Variants in TEX2 observed in about 807,000 individuals in gnomAD.
TEX2 encodes the protein testis expressed 2.
Under a neutral mutation model 106.9 loss-of-function variants are expected in TEX2, and 53 were observed. That is an observed-to-expected ratio of 0.50 (90% CI 0.40 to 0.62). TEX2 has a LOEUF of 0.62. Among genes scored for constraint, TEX2 ranks in the 20% least tolerant of loss-of-function variants. The probability of loss-of-function intolerance (pLI) is 0.00; values close to 1 mark genes in which losing one functional copy is unlikely to be tolerated. For missense variants in TEX2, 1,207 were observed against 1,379.0 expected (o/e 0.88, Z 1.98); for synonymous variants, 523 against 534.8 (o/e 0.98, Z 0.30).
intron 2 of TEX2, among the ~76,000 whole-genome samples, chr17:64,209,573 G>A (rs1311597317): frequency 6.6e-6 from 1 of 152,204 alleles, no homozygotes; most frequent in Non-Finnish European, 1.5e-5. Flanking sequence ...CAGTCTATGA[G>A]AGCATTAAAG....
chr17:64,211,634 G>A (rs1441594286), intron 2 of TEX2, among the ~76,000 whole-genome samples: 1 of 152,062 alleles, frequency 6.6e-6, no homozygotes, highest in Non-Finnish European at 1.5e-5. Flanking sequence ...ATGAGCATAG[G>A]TTATATATTA....
At position 64,212,766 on chromosome 17, in the gene TEX2, A is replaced by G. The variant is rs376446398; in HGVS notation, c.1452T>C (p.Tyr484=). 1.9e-6 allele frequency: 3 copies of G among 1,614,094 alleles called. No individual in the cohort carries two copies. The highest frequency in any genetic ancestry group is 2.5e-6 in the Non-Finnish European group (3 of 1,180,046). ...KTLGFFIMCV[Y]VYLILPLPHY... Reference sequence around the variant, plus strand: ...GGGGGAGGGGGAGGATGAGGTACACATAGACACACATTATAAAGAAGCCCA... The same window carrying G: ...GGGGGAGGGGGAGGATGAGGTACACGTAGACACACATTATAAAGAAGCCCA... The change falls in exon 2 of 12, where the codon TAT becomes TAC. Residue 484 remains tyrosine, a synonymous_variant. Coordinates refer to ENST00000584379, the MANE Select transcript of TEX2 (RefSeq NM_001288732.2).
chr17:64,254,303 T>C (rs2034145744), intron 1 of TEX2, among the ~76,000 whole-genome samples: 2 of 152,218 alleles, frequency 1.3e-5, no homozygotes, highest in African/African-American at 4.8e-5. Flanking sequence ...ACTCCTTTTC[T>C]CTAAAATGTA....
At chr17:64,175,967 G>A (rs977940306) in intron 6 of TEX2, among the ~76,000 whole-genome samples, 2 of 152,204 alleles carry the variant, frequency 1.3e-5, no homozygotes, top group Admixed American at 1.3e-4. Context: ...TTCCAAAAAT[G>A]GGGAGAGGCT....
chr17:64,158,758 C>T (rs185267592), intron 8 of TEX2, among the ~76,000 whole-genome samples: 1 of 152,260 alleles, frequency 6.6e-6, no homozygotes, highest in Admixed American at 6.5e-5. Context: ...ACCCAGTGCT[C>T]TCAGGTTCCC....
intron 2 of TEX2, among the ~76,000 whole-genome samples, chr17:64,200,642 G>A (rs1349799409): frequency 6.6e-6 from 1 of 152,246 alleles, no homozygotes; most frequent in Non-Finnish European, 1.5e-5. Flanking sequence ...TCAGAAGAAT[G>A]TGAAAGAGAG....
intron 1 of TEX2, among the ~76,000 whole-genome samples, chr17:64,262,132 G>A (rs1555638641): frequency 6.6e-6 from 1 of 152,230 alleles, no homozygotes; most frequent in East Asian, 1.9e-4. Flanking sequence ...CATGTGCAGA[G>A]CGGTGATGGT....
intron 2 of TEX2, among the ~76,000 whole-genome samples, chr17:64,202,482 A>T (rs2032703021): frequency 6.6e-6 from 1 of 152,180 alleles, no homozygotes; most frequent in South Asian, 2.1e-4. Context: ...TGATACCATT[A>T]ATCAGCCATT....
chr17:64,216,635 C>T (rs148736407), intron 1 of TEX2, among the ~76,000 whole-genome samples: 4 of 152,316 alleles, frequency 2.6e-5, no homozygotes, highest in Middle Eastern at 3.4e-3. Flanking sequence ...CCCAGCCTAG[C>T]GCCAAAGGGT....
intron 4 of TEX2, among the ~76,000 whole-genome samples, chr17:64,190,146 C>T (rs1376893721): frequency 2.0e-5 from 3 of 152,180 alleles, no homozygotes; most frequent in African/African-American, 4.8e-5. Flanking sequence ...TAATTTCCAG[C>T]ACTTTAATAT....
chr17:64,165,914 G>A (rs1259820985), intron 7 of TEX2, among the ~76,000 whole-genome samples: 1 of 152,204 alleles, frequency 6.6e-6, no homozygotes, highest in African/African-American at 2.4e-5. Flanking sequence ...TTGGTATCTT[G>A]AAAACAAGGC....
chr17:64,166,305 G>A (rs2031134221), intron 7 of TEX2, among the ~76,000 whole-genome samples: 1 of 152,274 alleles, frequency 6.6e-6, no homozygotes, highest in Non-Finnish European at 1.5e-5. Context: ...ACTGCCATCA[G>A]CACTTGAAGG....
chr17:64,223,857 A>G (rs1400072850), intron 1 of TEX2, among the ~76,000 whole-genome samples: 3 of 152,060 alleles, frequency 2.0e-5, no homozygotes, highest in African/African-American at 7.2e-5. Context: ...CTGGGATTAC[A>G]AGTGCCTGCC....
In TEX2 at chr17:64,259,383, T is replaced by C. The variant is rs577359692; in HGVS notation, c.-26+3785A>G. On this transcript the variant is annotated intron_variant, in intron 1 of 11. Coordinates refer to ENST00000584379, the MANE Select transcript of TEX2 (RefSeq NM_001288732.2). ...GCAACACAAAATCTTGTATAACCTA[T>C]GAGTTGCTTTAAAACTCACATGTAA... Among the ~76,000 whole-genome samples the C allele has an allele frequency of 1.3e-3, 195 of 152,362 alleles. 1 individual carries two copies. Among genetic ancestry groups the C allele is most frequent in the Non-Finnish European group, 1.7e-3 (115 of 68,038 alleles).
At chr17:64,165,196 C>T (rs1403783197) in intron 7 of TEX2, among the ~76,000 whole-genome samples, 1 of 152,224 alleles carries the variant, frequency 6.6e-6, no homozygotes, top group East Asian at 1.9e-4. Flanking sequence ...GAAGAACACA[C>T]CAGTGACTGT....
chr17:64,259,030 G>A (rs1409349274), intron 1 of TEX2, among the ~76,000 whole-genome samples: 1 of 152,208 alleles, frequency 6.6e-6, no homozygotes, highest in Non-Finnish European at 1.5e-5. Context: ...TTACAGGCAT[G>A]AGCCACCGCG....
At chr17:64,212,162 T>C (rs1488745974) in intron 2 of TEX2, among the ~76,000 whole-genome samples, 1 of 152,176 alleles carries the variant, frequency 6.6e-6, no homozygotes, top group Non-Finnish European at 1.5e-5. Context: ...ACAGCTGACA[T>C]TAATTTGCCT....
chr17:64,259,374 T>C (rs1168496261), intron 1 of TEX2, among the ~76,000 whole-genome samples: 1 of 152,228 alleles, frequency 6.6e-6, no homozygotes, highest in African/African-American at 2.4e-5. Flanking sequence ...CAAAATCTTG[T>C]ATAACCTATG....
Position 64,153,073 on chromosome 17 carries a change from TG to T in TEX2, c.3011del (p.Thr1004LysfsTer55). The T allele has an allele frequency of 2.5e-6, 4 of 1,614,170 alleles. No homozygotes were observed. The highest frequency in any genetic ancestry group is 3.4e-6 in the Non-Finnish European group (4 of 1,179,980). ...TCTTCTTTTTAATAAACTCTGTCTC[TG>T]TTGCTTTTTGGAAATATTTTGACTT... ...ITKSKYFQKATETEFIKKKIE... is the reference protein window; with the variant it reads ...ITKSKYFQKAXETEFIKKKIE... On this transcript the variant is annotated frameshift_variant, in exon 10 of 12. Transcript: ENST00000584379. LOFTEE classifies it high-confidence loss of function. This position sits in a 1 kb window ranked among gnomAD's most constrained non-coding sequence, Gnocchi z 4.1.
Sources: allele counts gnomAD v4.1 joint callset (sites outside exome capture counted in the v4.1 genomes callset), GRCh38; gene constraint gnomAD v4.1.1; non-coding constraint Gnocchi (gnomAD v3.1); transcripts MANE v1.5; gene names NCBI Gene and HGNC (gene_info 2026-07-23, HGNC 2026-07-21).